The following EDIL3 variants were observed in gnomAD, a reference collection of about 807,000 sequenced individuals.
EDIL3 encodes the protein EGF-like repeat and discoidin I-like domain-containing protein 3.
In EDIL3, 37 loss-of-function variants were observed where a neutral mutation model predicts 67.4. The ratio of observed to expected loss-of-function variants is 0.55; its 90% CI spans 0.42 to 0.72. EDIL3 has a LOEUF of 0.72. Among genes scored for constraint, EDIL3 ranks in the 30% least tolerant of loss-of-function variants. EDIL3 has a pLI of 0.00. For missense variants in EDIL3, 527 were observed against 586.3 expected (o/e 0.90, Z 1.04); for synonymous variants, 195 against 196.3 (o/e 0.99, Z 0.05).
chr5:84,350,424 A>C (rs1747330784), intron 1 of EDIL3, among the ~76,000 whole-genome samples: 1 of 152,052 alleles, frequency 6.6e-6, no homozygotes, highest in Non-Finnish European at 1.5e-5. Context: ...CTGTTGAGAT[A>C]AATGAGCACC....
chr5:84,279,927 C>T (rs963917567), intron 1 of EDIL3, among the ~76,000 whole-genome samples: 1 of 152,152 alleles, frequency 6.6e-6, no homozygotes, highest in African/African-American at 2.4e-5. Flanking sequence ...GGTCTCTTTG[C>T]CGCTATTTAA....
chr5:84,207,763 C>A (rs1744016462), intron 3 of EDIL3, among the ~76,000 whole-genome samples: 1 of 151,972 alleles, frequency 6.6e-6, no homozygotes, highest in Non-Finnish European at 1.5e-5. Flanking sequence ...ACTATCTGAT[C>A]TTTGACAAAC....
chr5:84,076,523 C>T (rs184236296), intron 6 of EDIL3, among the ~76,000 whole-genome samples: 3 of 152,186 alleles, frequency 2.0e-5, no homozygotes, highest in Non-Finnish European at 2.9e-5. Flanking sequence ...TGGTCATTTG[C>T]AACATACTGG....
rs73142689 is a variant in EDIL3, at chr5:84,286,887, C to A, written c.68-32675G>T. ...CTGCTCTCCCCACTGAGGTTTTAAG[C>A]TGAACTTCTGGAATTGTGCCCAGTC... On this transcript the variant is annotated intron_variant, in intron 1 of 10. Transcript: ENST00000296591. Among the ~76,000 whole-genome samples, 461 of 152,278 alleles carry A rather than the reference C, an allele frequency of 3.0e-3. 1 individual carries two copies. Among genetic ancestry groups the A allele is most frequent in the African/African-American group, 0.011 (445 of 41,564 alleles).
At chr5:83,969,403 G>C (rs1744752576) in intron 9 of EDIL3, among the ~76,000 whole-genome samples, 1 of 151,614 alleles carries the variant, frequency 6.6e-6, no homozygotes, top group Admixed American at 6.6e-5. Context: ...AAACAAAAAA[G>C]GCCTTTTAAA....
intron 1 of EDIL3, among the ~76,000 whole-genome samples, chr5:84,289,957 C>T (rs1327855201): frequency 6.6e-6 from 1 of 152,074 alleles, no homozygotes; most frequent in Non-Finnish European, 1.5e-5. Context: ...TTTAATATCC[C>T]ACTGCCTAAT....
intron 5 of EDIL3, among the ~76,000 whole-genome samples, chr5:84,117,597 CA>C (rs1236841732): frequency 6.7e-6 from 1 of 148,440 alleles, no homozygotes; most frequent in Non-Finnish European, 1.5e-5. Flanking sequence ...AAATATATGA[CA>C]AATGCAAAGT....
At chr5:84,231,701 G>T (rs939795580) in intron 2 of EDIL3, among the ~76,000 whole-genome samples, 66 of 152,238 alleles carry the variant, frequency 4.3e-4, no homozygotes, top group African/African-American at 1.5e-3. Context: ...CATGCATGGC[G>T]CAGAGAACAT....
At chr5:84,305,544 AT>A (rs1182195868) in intron 1 of EDIL3, among the ~76,000 whole-genome samples, 1 of 152,232 alleles carries the variant, frequency 6.6e-6, no homozygotes, top group Non-Finnish European at 1.5e-5. Context: ...ATGTTGCACA[AT>A]TCCAAGCTGT....
At chr5:84,074,899 C>T (rs1419343799) in intron 6 of EDIL3, among the ~76,000 whole-genome samples, 10 of 152,192 alleles carry the variant, frequency 6.6e-5, no homozygotes, top group South Asian at 6.2e-4. Context: ...CACATGCACA[C>T]GTATGTTTAT....
intron 9 of EDIL3, among the ~76,000 whole-genome samples, chr5:84,000,148 A>G (rs1421796621): frequency 1.3e-5 from 2 of 152,186 alleles, no homozygotes; most frequent in Non-Finnish European, 2.9e-5. Flanking sequence ...ATAAATGTTA[A>G]AAGTAGTTCT....
At chr5:84,115,842 A>C (rs554631249) in intron 5 of EDIL3, among the ~76,000 whole-genome samples, 1 of 152,344 alleles carries the variant, frequency 6.6e-6, no homozygotes, top group East Asian at 1.9e-4. Context: ...TTAAAATGCT[A>C]AAAGAGGGAC....
chr5:84,238,353 T>C (rs983847971), intron 2 of EDIL3, among the ~76,000 whole-genome samples: 10 of 152,046 alleles, frequency 6.6e-5, no homozygotes, highest in Admixed American at 1.3e-4. Context: ...GATCGACACA[T>C]TTGGCTTAAT....
At chr5:84,273,494 G>A (rs1301916309) in intron 1 of EDIL3, among the ~76,000 whole-genome samples, 1 of 152,180 alleles carries the variant, frequency 6.6e-6, no homozygotes, top group Non-Finnish European at 1.5e-5. Flanking sequence ...GCGTCTGCCT[G>A]ATAAGGTGGT....
chr5:84,157,588 A>G (rs1748516126), intron 4 of EDIL3, among the ~76,000 whole-genome samples: 1 of 152,062 alleles, frequency 6.6e-6, no homozygotes, highest in African/African-American at 2.4e-5. Flanking sequence ...ATAAAATGAT[A>G]AAGTCTGGTT....
chr5:84,061,625 C>T (rs1746542813), intron 8 of EDIL3, among the ~76,000 whole-genome samples: 1 of 152,112 alleles, frequency 6.6e-6, no homozygotes, highest in Non-Finnish European at 1.5e-5. Flanking sequence ...TAACAACTTT[C>T]TACCTAAATT....
intron 1 of EDIL3, among the ~76,000 whole-genome samples, chr5:84,294,236 T>A (rs1027959801): frequency 4.0e-5 from 6 of 151,366 alleles, no homozygotes; most frequent in Non-Finnish European, 8.8e-5. Context: ...ATAGAAAAAA[T>A]TAGCCAGGCA....
At chr5:83,945,543 G>C (rs1744295185) in intron 10 of EDIL3, among the ~76,000 whole-genome samples, 1 of 151,822 alleles carries the variant, frequency 6.6e-6, no homozygotes, top group African/African-American at 2.4e-5. Flanking sequence ...CCACTTCTTG[G>C]GAAGGAAATA....
At position 84,238,669 on chromosome 5, in the gene EDIL3, T is replaced by TTTTTTTG. The variant is rs1276784946; in HGVS notation, c.197-8786_197-8785insCAAAAAA. Reference sequence around the variant, plus strand: ...CAACAGGAGCTAAAATTAAATGTTTTTTTTTTTTTTTTTTCAGAATCATTA... The same window carrying TTTTTTTG: ...CAACAGGAGCTAAAATTAAATGTTTTTTTTTTGTTTTTTTTTTTTTTCAGAATCATTA... On this transcript the variant is annotated intron_variant, in intron 2 of 10. Coordinates refer to ENST00000296591, the MANE Select transcript of EDIL3 (RefSeq NM_005711.5). Among the ~76,000 whole-genome samples, 4 of 148,212 alleles carry TTTTTTTG rather than the reference T, an allele frequency of 2.7e-5. 1 individual carries two copies. In the East Asian group the frequency reaches 5.9e-4, roughly 22 times the overall value.
Sources: allele counts gnomAD v4.1 joint callset (sites outside exome capture counted in the v4.1 genomes callset), GRCh38; gene constraint gnomAD v4.1.1; transcripts MANE v1.5; gene names NCBI Gene and HGNC (gene_info 2026-07-23, HGNC 2026-07-21).